Variants in STARD13 observed in about 807,000 individuals in gnomAD.
STARD13 encodes the protein StAR related lipid transfer domain containing 13, also known as stAR-related lipid transfer protein 13.
STARD13 carries 62 observed loss-of-function variants against 106.4 expected under a neutral mutation model. The observed-to-expected ratio is 0.58, with a 90% CI of 0.48 to 0.72. The LOEUF is 0.72. Among genes scored for constraint, STARD13 ranks in the 30% least tolerant of loss-of-function variants. The pLI is 0.00. For synonymous variants in STARD13, 565 were observed against 553.0 expected (o/e 1.02, Z -0.31); for missense variants, 1,387 against 1,424.0 (o/e 0.97, Z 0.42).
the STARD13 span, chr13:33,658,406 G>C: frequency 6.6e-6 from 1 of 152,160 alleles, no homozygotes; most frequent in Non-Finnish European, 1.5e-5. Flanking sequence ...TGTTTATGTG[G>C]TGTTTTTAAC....
At chr13:33,578,860 A>G in the STARD13 span, among the ~76,000 whole-genome samples, 2 of 152,142 alleles carry the variant, frequency 1.3e-5, no homozygotes, top group African/African-American at 4.8e-5. Context: ...ACAATCCTCA[A>G]AAGAAGATAT....
chr13:33,232,630 G>A (rs929730975), intron 1 of STARD13, among the ~76,000 whole-genome samples: 4 of 152,130 alleles, frequency 2.6e-5, no homozygotes, highest in African/African-American at 9.7e-5. Flanking sequence ...CTTTGACGAC[G>A]TGTATCTGAA....
the STARD13 span, among the ~76,000 whole-genome samples, chr13:33,490,911 A>G: frequency 6.6e-6 from 1 of 152,232 alleles, no homozygotes; most frequent in Non-Finnish European, 1.5e-5. Context: ...CCAGAGCCCA[A>G]AGTGCTCGCC....
At position 33,110,832 on chromosome 13, in the gene STARD13, A is replaced by G. The variant is rs751820284; in HGVS notation, c.2683T>C (p.Leu895=). ...AEIHVPTLEE[L]GTQLEESGAT... ...CCACTCTCCTCCAGCTGTGTCCCCA[A>G]TTCTTCCAGGGTTGGCACGTGGATC... Residue 895 remains leucine, a synonymous_variant, in exon 11 of 14, where the codon TTG becomes CTG. Coordinates refer to ENST00000336934, the MANE Select transcript of STARD13 (RefSeq NM_178006.4). 25 of 1,614,010 alleles carry G rather than the reference A, an allele frequency of 1.5e-5. No individual in the cohort carries two copies. The highest frequency in any genetic ancestry group is 2.7e-5 in the African/African-American group (2 of 74,906).
At chr13:33,633,187 C>G in the STARD13 span, among the ~76,000 whole-genome samples, 1 of 152,336 alleles carries the variant, frequency 6.6e-6, no homozygotes, top group South Asian at 2.1e-4. Flanking sequence ...AAGCCCTCAC[C>G]TTCTAAATTC....
intron 3 of STARD13, among the ~76,000 whole-genome samples, chr13:33,162,974 C>T (rs1337533607): frequency 6.6e-6 from 1 of 152,116 alleles, no homozygotes; most frequent in Non-Finnish European, 1.5e-5. Context: ...AAGACATACC[C>T]AAGACTGGGA....
chr13:33,349,177 T>C (rs9597272), exon 2 of STARD13: 135,417 of 702,196 alleles, frequency 0.19, 15,100 homozygotes, highest in Non-Finnish European at 0.23. Context: ...AACTTTCTTC[T>C]GCCCCATGTG....
intron 1 of STARD13, among the ~76,000 whole-genome samples, chr13:33,215,118 T>C (rs1413444987): frequency 7.7e-5 from 2 of 25,894 alleles, no homozygotes; most frequent in African/African-American, 2.1e-4. Flanking sequence ...GAATGAGTAC[T>C]TGGGGGGGGG....
At chr13:33,109,384 G>A (rs1011227055) in intron 12 of STARD13, among the ~76,000 whole-genome samples, 2 of 152,136 alleles carry the variant, frequency 1.3e-5, no homozygotes, top group Non-Finnish European at 2.9e-5. Context: ...TGGACCTCCA[G>A]GGCAGTGCCA....
intron 3 of STARD13, among the ~76,000 whole-genome samples, chr13:33,146,652 T>C (rs999499666): frequency 1.3e-5 from 2 of 152,098 alleles, no homozygotes; most frequent in Non-Finnish European, 2.9e-5. Flanking sequence ...AAAGGTTAAG[T>C]GAAAACCTCC....
chr13:33,166,488 G>T (rs17078656), intron 2 of STARD13, among the ~76,000 whole-genome samples: 26,098 of 151,936 alleles, frequency 0.17, 3,331 homozygotes, highest in African/African-American at 0.35. Flanking sequence ...ACTGTGCACC[G>T]TTCCTCGTGG....
At chr13:33,481,195 A>G in the STARD13 span, among the ~76,000 whole-genome samples, 2 of 152,184 alleles carry the variant, frequency 1.3e-5, no homozygotes, top group Admixed American at 6.5e-5. Flanking sequence ...AGACATAACC[A>G]AATAGTAGAT....
chr13:33,655,122 G>C, the STARD13 span, among the ~76,000 whole-genome samples: 1 of 152,200 alleles, frequency 6.6e-6, no homozygotes, highest in Non-Finnish European at 1.5e-5. Flanking sequence ...TTAATGGGAC[G>C]AGCAGACCTA....
the STARD13 span, among the ~76,000 whole-genome samples, chr13:33,545,371 A>T: frequency 6.6e-6 from 1 of 152,232 alleles, no homozygotes; most frequent in African/African-American, 2.4e-5. Flanking sequence ...CTGGGATTAC[A>T]GGCGTGAGCC....
the STARD13 span, among the ~76,000 whole-genome samples, chr13:33,608,196 T>G: frequency 4.6e-5 from 7 of 152,230 alleles, no homozygotes; most frequent in Non-Finnish European, 7.3e-5. Context: ...TGCAAGCCAC[T>G]GTGCCCAGCC....
chr13:33,457,252 T>A, the STARD13 span, among the ~76,000 whole-genome samples: 10 of 152,178 alleles, frequency 6.6e-5, no homozygotes, highest in Non-Finnish European at 1.5e-4. Context: ...TAATGGAACT[T>A]TTGTGAAATA....
At chr13:33,350,163 G>A in intron 1 of STARD13, 3 of 1,254,838 alleles carry the variant, frequency 2.4e-6, no homozygotes, top group South Asian at 4.8e-5. Context: ...CAGCCCGCTC[G>A]CCCCGGCCTT....
Position 33,126,064 on chromosome 13 carries a change from G to A in STARD13, c.2082+17C>T. ...GTTGGGGGTGGTGGGGCAGCAGCGG[G>A]GGGGTTACAGCCCTACCTGATCGAG... On this transcript the variant is annotated intron_variant, in intron 7 of 13. Transcript: ENST00000336934. The A allele has an allele frequency of 6.2e-7, 1 of 1,611,980 alleles. No homozygotes were observed. Among genetic ancestry groups the A allele is most frequent in the Non-Finnish European group, 8.5e-7 (1 of 1,178,974 alleles).
At chr13:33,112,970 C>T in intron 8 of STARD13, 39 bp from the exon 9 acceptor site, 2 of 1,522,848 alleles carry the variant, frequency 1.3e-6, no homozygotes, top group Non-Finnish European at 8.9e-7. Context: ...GAGGAGCAGA[C>T]ATAGAAAGAG....
Sources: allele counts gnomAD v4.1 joint callset (sites outside exome capture counted in the v4.1 genomes callset), GRCh38; gene constraint gnomAD v4.1.1; transcripts MANE v1.5; gene names NCBI Gene and HGNC (gene_info 2026-07-23, HGNC 2026-07-21).